ANKRD17: variants seen among roughly 807,000 people sequenced by gnomAD.
The protein encoded by ANKRD17 is ankyrin repeat domain 17, also known as ankyrin repeat domain-containing protein 17.
Under a neutral mutation model 229.7 loss-of-function variants are expected in ANKRD17, and 19 were observed. That is an observed-to-expected ratio of 0.08 (90% confidence interval 0.06 to 0.12). The LOEUF is 0.12. Among genes scored for constraint, ANKRD17 ranks in the 10% least tolerant of loss-of-function variants. The pLI is 1.00. For missense variants in ANKRD17, 2,176 were observed against 3,176.8 expected (o/e 0.68, Z 7.57); for synonymous variants, 1,112 against 1,146.1 (o/e 0.97, Z 0.60).
At chr4:73,086,168 G>A (rs1722101352) in intron 29 of ANKRD17, among the ~76,000 whole-genome samples, 3 of 152,136 alleles carry the variant, frequency 2.0e-5, no homozygotes, top group African/African-American at 7.2e-5. Context: ...CTTTACATGG[G>A]CTTTCTGTCA....
rs1578475067 is a variant in ANKRD17 at position 73,231,179 on chromosome 4, G to A, written c.393+27097C>T. ...ACAAAATGGAGGTCTAGGGGACCTG[G>A]GGATAAAAATTTAAATTACAAGAAA... is the stretch of plus-strand genomic sequence containing the variant. On this transcript the variant is annotated intron_variant, in intron 1 of 33. Coordinates refer to ENST00000358602, the MANE Select transcript of ANKRD17 (RefSeq NM_032217.5). Among the ~76,000 whole-genome samples the A allele has an allele frequency of 2.6e-5, 4 of 152,122 alleles. 1 individual carries two copies. In the South Asian group the frequency reaches 6.2e-4, roughly 24 times the overall value.
intron 24 of ANKRD17, among the ~76,000 whole-genome samples, chr4:73,106,639 G>A (rs961233645): frequency 2.0e-5 from 3 of 152,108 alleles, no homozygotes; most frequent in Non-Finnish European, 4.4e-5. Context: ...CCAGCACTTT[G>A]GGAGGCCAAG....
chr4:73,155,936 G>T, intron 4 of ANKRD17, 83 bp downstream of exon 4: 2 of 1,502,336 alleles, frequency 1.3e-6, no homozygotes, highest in Non-Finnish European at 1.8e-6. Context: ...CTAATGGTTG[G>T]AAGGATTTAT....
chr4:73,234,162 C>G (rs1743307589), intron 1 of ANKRD17, among the ~76,000 whole-genome samples: 1 of 152,024 alleles, frequency 6.6e-6, no homozygotes, highest in South Asian at 2.1e-4. Flanking sequence ...AGATTATTTT[C>G]TCTTTTGATT....
At chr4:73,087,070 G>A (rs559153805) in intron 29 of ANKRD17, among the ~76,000 whole-genome samples, 2 of 147,540 alleles carry the variant, frequency 1.4e-5, no homozygotes, top group African/African-American at 2.5e-5. Context: ...CTAACCACAC[G>A]GCCATGCTTT....
Position 73,140,191 on chromosome 4 carries a change from C to G in ANKRD17, c.2425G>C (p.Glu809Gln). The change falls in exon 15 of 34, where the codon GAA (glutamate) becomes CAA (glutamine). Residue 809 changes from glutamate (E) to glutamine (Q), a missense_variant. Glu to Gln is a conservative substitution (Grantham distance 29). Around this residue, in one of 18 missense-constraint regions of ANKRD17, gnomAD observed 275 missense variants for 386.9 expected, o/e 0.71. Transcript: ENST00000358602. ...ITNQSPESIVEEAQGKLTELE... is the reference protein window; with the variant it reads ...ITNQSPESIVQEAQGKLTELE... The stretch of plus-strand genomic sequence containing the variant: ...TCTGTTAACTTTCCCTGAGCCTCTT[C>G]TACAATGCTCTCTGGAGACTGATTG... 6.2e-7 allele frequency: 1 copy of G among 1,614,142 alleles called. No individual in the cohort carries two copies. Among genetic ancestry groups the G allele is most frequent in the Non-Finnish European group, 8.5e-7 (1 of 1,180,032 alleles).
Position 73,091,518 on chromosome 4 carries a change from T to C in ANKRD17, c.6110A>G (p.His2037Arg). 3 of 1,614,132 alleles carry C rather than the reference T, an allele frequency of 1.9e-6. No homozygotes were observed. Among genetic ancestry groups the C allele is most frequent in the Non-Finnish European group, 2.5e-6 (3 of 1,180,030 alleles). ...ATYPMPTAKE[H>R]YPVSSPSSPS... Reference sequence around the variant, plus strand: ...GGAAGATGGGGATGATACTGGATAGTGTTCTTTGGCAGTAGGCATAGGATA... The same window carrying C: ...GGAAGATGGGGATGATACTGGATAGCGTTCTTTGGCAGTAGGCATAGGATA... Residue 2037 changes from histidine to arginine, a missense_variant, in exon 29 of 34, where the codon CAC becomes CGC. Physicochemically the swap from His to Arg is conservative, Grantham distance 29. Coordinates refer to ENST00000358602, the MANE Select transcript of ANKRD17 (RefSeq NM_032217.5).
intron 22 of ANKRD17, among the ~76,000 whole-genome samples, chr4:73,118,092 C>T (rs1726209027): frequency 6.6e-6 from 1 of 152,064 alleles, no homozygotes; most frequent in Non-Finnish European, 1.5e-5. Flanking sequence ...TCTCAGCTCA[C>T]TGCAACCTTT....
chr4:73,115,803 T>C lies in ANKRD17; in HGVS notation c.4284+18A>G. On this transcript the variant is annotated intron_variant, in intron 23 of 33. Transcript: ENST00000358602. ...AACCGAATAGAGTCCCTTGCTCATATAGTGAACAACATATTACCTTATCAG... is the reference window on the plus strand; with the variant it reads ...AACCGAATAGAGTCCCTTGCTCATACAGTGAACAACATATTACCTTATCAG... The C allele has an allele frequency of 1.3e-6, 2 of 1,585,386 alleles. No individual in the cohort carries two copies. The highest frequency in any genetic ancestry group is 2.2e-5 in the East Asian group (1 of 44,704).
At chr4:73,082,909 G>A (rs1201391818) in intron 30 of ANKRD17, among the ~76,000 whole-genome samples, 2 of 152,136 alleles carry the variant, frequency 1.3e-5, no homozygotes, top group Non-Finnish European at 2.9e-5. Context: ...AATATAAAAT[G>A]TAAAGTTTGC....
In ANKRD17 at chr4:73,116,244, T is replaced by A. The variant is rs1422655277; in HGVS notation, c.4189-328A>T. Among the ~76,000 whole-genome samples, 3 of 152,170 alleles carry A rather than the reference T, an allele frequency of 2.0e-5. No homozygotes were observed. The East Asian group carries it at 5.8e-4, about 29-fold the overall frequency. The stretch of plus-strand genomic sequence containing the variant: ...TGGGGGGTGGGGATTCTTATTTTTT[T>A]CTTTGCTAACTCCCTAAATATGAGA... On this transcript the variant is annotated intron_variant, in intron 22 of 33. Transcript: ENST00000358602.
At chr4:73,202,119 T>C (rs1738748522) in intron 1 of ANKRD17, among the ~76,000 whole-genome samples, 1 of 152,006 alleles carries the variant, frequency 6.6e-6, no homozygotes, top group African/African-American at 2.4e-5. Context: ...CACCAATCAG[T>C]AGTTCAAATA....
chr4:73,237,364 G>A (rs1743600119), intron 1 of ANKRD17, among the ~76,000 whole-genome samples: 1 of 152,184 alleles, frequency 6.6e-6, no homozygotes, highest in African/African-American at 2.4e-5. Flanking sequence ...GCTAAAGTAG[G>A]TTAAGAACTC....
intron 24 of ANKRD17, 71 bp downstream of exon 24, chr4:73,113,721 T>C (rs144083975): frequency 5.1e-6 from 6 of 1,165,602 alleles, no homozygotes; most frequent in South Asian, 2.5e-5. Context: ...AAAAGACGGA[T>C]TACAAATCAA....
At chr4:73,205,721 A>G (rs1396702665) in intron 1 of ANKRD17, among the ~76,000 whole-genome samples, 1 of 152,248 alleles carries the variant, frequency 6.6e-6, no homozygotes, top group African/African-American at 2.4e-5. Context: ...TCAAATAACA[A>G]AAGTAAAAAT....
At chr4:73,094,631 T>C (rs1723102721) in intron 27 of ANKRD17, among the ~76,000 whole-genome samples, 1 of 151,688 alleles carries the variant, frequency 6.6e-6, no homozygotes, top group Non-Finnish European at 1.5e-5. Context: ...TGCAATAGTA[T>C]GTGTGTACAC....
Position 73,179,517 on chromosome 4 carries a change from TA to T in ANKRD17, c.394-1985del, listed in dbSNP as rs1454792689. On this transcript the variant is annotated intron_variant, in intron 1 of 33. Coordinates refer to ENST00000358602, the MANE Select transcript of ANKRD17 (RefSeq NM_032217.5). ...ATATATATATATATATATATATATATATTTTTTTTTTTTTTTTTAAAGAGAC... is the reference window on the plus strand; with the variant it reads ...ATATATATATATATATATATATATATTTTTTTTTTTTTTTTTTAAAGAGAC... Among the ~76,000 whole-genome samples the T allele has an allele frequency of 3.1e-3, 267 of 87,460 alleles. 2 individuals are homozygous for T. The highest frequency in any genetic ancestry group is 6.4e-3 in the African/African-American group (160 of 24,908). The allele number at this position is 87,460 out of a possible 152,430, so 57.4% of individuals were successfully genotyped here.
chr4:73,157,898 G>A (rs1171261637), intron 3 of ANKRD17, among the ~76,000 whole-genome samples: 2 of 151,994 alleles, frequency 1.3e-5, no homozygotes, highest in Non-Finnish European at 2.9e-5. Flanking sequence ...GACCATCCTG[G>A]CTAACACGGT....
chr4:73,184,700 A>G (rs1299267182), intron 1 of ANKRD17, among the ~76,000 whole-genome samples: 1 of 152,168 alleles, frequency 6.6e-6, no homozygotes, highest in East Asian at 1.9e-4. Flanking sequence ...TATAATCAAT[A>G]CCTTCCATAA....
Sources: allele counts gnomAD v4.1 joint callset (sites outside exome capture counted in the v4.1 genomes callset), GRCh38; gene constraint gnomAD v4.1.1; regional missense constraint gnomAD v4.1.1; transcripts MANE v1.5; gene names NCBI Gene and HGNC (gene_info 2026-07-23, HGNC 2026-07-21).